Variants in THSD7B observed in about 807,000 individuals in gnomAD.
THSD7B encodes the protein thrombospondin type 1 domain containing 7B.
In THSD7B, 138 loss-of-function variants were observed where a neutral mutation model predicts 213.6. The observed-to-expected ratio is 0.65, with a 90% confidence interval of 0.56 to 0.74. The LOEUF (loss-of-function observed/expected upper bound fraction) is 0.74. Ranked by LOEUF, THSD7B falls within the 30% of genes least tolerant of loss-of-function variation. The pLI, the probability that THSD7B is intolerant of heterozygous loss-of-function variation, is 0.00. For synonymous variants in THSD7B, 742 were observed against 687.0 expected, an observed-to-expected ratio of 1.08 and a Z score of -1.25; for missense variants, 1,931 against 1,991.5, an observed-to-expected ratio of 0.97 and a Z score of 0.58.
At chr2:136,984,269 A>T (rs964145042) in intron 2 of THSD7B, among the ~76,000 whole-genome samples, 1 of 152,188 alleles carries the variant, frequency 6.6e-6, no homozygotes, top group South Asian at 2.1e-4. Context: ...TCCTCTCCAA[A>T]TCTCATGTTG....
At chr2:137,357,665 G>A (rs1384090638) in intron 12 of THSD7B, among the ~76,000 whole-genome samples, 1 of 152,158 alleles carries the variant, frequency 6.6e-6, no homozygotes, top group African/African-American at 2.4e-5. Flanking sequence ...GGAGAAAATG[G>A]ATAGCCTAAC....
At chr2:137,608,528 T>C (rs1459852702) in intron 17 of THSD7B, among the ~76,000 whole-genome samples, 1 of 152,226 alleles carries the variant, frequency 6.6e-6, no homozygotes, top group Admixed American at 6.5e-5. Context: ...AATTTCATTA[T>C]CTGTAAAAAC....
chr2:136,916,031 C>T (rs1684342478), intron 2 of THSD7B, among the ~76,000 whole-genome samples: 1 of 152,168 alleles, frequency 6.6e-6, no homozygotes, highest in Non-Finnish European at 1.5e-5. Flanking sequence ...ACCAGCTTTC[C>T]CTAACGATTG....
chr2:137,164,098 C>T lies in THSD7B; in HGVS notation c.1525+3730C>T, dbSNP rs139512567. ...CAGATGCAGGAGACAAGTTATGGGG[C>T]ATGGGATGTATCTAGTGCCAGTACG... On this transcript the variant is annotated intron_variant, in intron 6 of 27. Transcript: ENST00000409968. 6.8e-4 allele frequency among the ~76,000 whole-genome samples: 104 copies of T among 152,128 alleles called. 3 individuals carry two copies. The Middle Eastern group carries it at 0.054, about 80-fold the overall frequency.
At chr2:137,112,144 G>A (rs1049854237) in intron 4 of THSD7B, among the ~76,000 whole-genome samples, 1 of 152,114 alleles carries the variant, frequency 6.6e-6, no homozygotes, top group Admixed American at 6.5e-5. Context: ...AGATCCTAGC[G>A]ACACTTTCTC....
intron 17 of THSD7B, among the ~76,000 whole-genome samples, chr2:137,599,850 T>C (rs1284141117): frequency 1.3e-5 from 2 of 152,170 alleles, no homozygotes; most frequent in African/African-American, 2.4e-5. Flanking sequence ...AAAAAGCATA[T>C]GGAGTGACTT....
At chr2:136,952,836 AG>A (rs1685062186) in intron 2 of THSD7B, among the ~76,000 whole-genome samples, 1 of 152,178 alleles carries the variant, frequency 6.6e-6, no homozygotes, top group African/African-American at 2.4e-5. Flanking sequence ...ATACTCTGGA[AG>A]AACATTAAGA....
At chr2:137,495,297 C>A (rs1280259855) in intron 15 of THSD7B, among the ~76,000 whole-genome samples, 1 of 152,012 alleles carries the variant, frequency 6.6e-6, no homozygotes, top group African/African-American at 2.4e-5. Flanking sequence ...GGCCCTTTGC[C>A]TTTTCTTCTT....
At chr2:137,138,799 G>T (rs1054657291) in intron 5 of THSD7B, among the ~76,000 whole-genome samples, 4 of 152,124 alleles carry the variant, frequency 2.6e-5, no homozygotes, top group Non-Finnish European at 4.4e-5. Context: ...CAAATTTAAA[G>T]TATGTTTCTA....
chr2:137,642,360 A>G (rs1029933054), intron 20 of THSD7B, 128 bp from the exon 21 acceptor site: 2 of 1,175,886 alleles, frequency 1.7e-6, no homozygotes, highest in Non-Finnish European at 2.4e-6. Context: ...CAGAAAAACT[A>G]AAAGTGAGAT....
intron 12 of THSD7B, among the ~76,000 whole-genome samples, chr2:137,320,926 G>A (rs938919899): frequency 6.6e-6 from 1 of 152,190 alleles, no homozygotes; most frequent in Non-Finnish European, 1.5e-5. Flanking sequence ...CCAGAGCAAT[G>A]CAGCAAATGC....
chr2:137,234,570 T>C (rs1449628698), intron 9 of THSD7B, among the ~76,000 whole-genome samples: 1 of 152,136 alleles, frequency 6.6e-6, no homozygotes, highest in Non-Finnish European at 1.5e-5. Context: ...AAGGGAAGCA[T>C]AGCCTGGAAC....
intron 15 of THSD7B, among the ~76,000 whole-genome samples, chr2:137,453,102 T>C (rs1347120276): frequency 1.3e-5 from 2 of 151,896 alleles, no homozygotes; most frequent in East Asian, 1.9e-4. Context: ...TAGTTTGTTA[T>C]AAAGAGATTT....
intron 1 of THSD7B, among the ~76,000 whole-genome samples, chr2:136,793,971 GT>G (rs59468694): frequency 2.0e-5 from 3 of 150,400 alleles, no homozygotes; most frequent in Admixed American, 6.6e-5. Flanking sequence ...GGTAATTTGT[GT>G]TTTTTTTGTG....
chr2:137,450,098 G>A (rs1194827504), intron 14 of THSD7B, among the ~76,000 whole-genome samples: 7 of 152,100 alleles, frequency 4.6e-5, no homozygotes, highest in Non-Finnish European at 1.0e-4. Flanking sequence ...TCAAATTAGA[G>A]TGGTTCAGTA....
At chr2:137,661,289 A>C (rs749231256) in intron 25 of THSD7B, among the ~76,000 whole-genome samples, 13 of 152,110 alleles carry the variant, frequency 8.5e-5, no homozygotes, top group Non-Finnish European at 1.6e-4. Context: ...AAATGACCAG[A>C]AATTTACAGA....
At chr2:137,656,486 C>A (rs1431822523) in intron 22 of THSD7B, among the ~76,000 whole-genome samples, 1 of 152,100 alleles carries the variant, frequency 6.6e-6, no homozygotes, top group Non-Finnish European at 1.5e-5. Context: ...TTACCATAAT[C>A]TTTATATCTC....
chr2:136,890,304 CTT>C (rs1683795655), intron 2 of THSD7B, among the ~76,000 whole-genome samples: 1 of 10,730 alleles, frequency 9.3e-5, no homozygotes, highest in Non-Finnish European at 2.5e-4. Flanking sequence ...TGTCCTACTC[CTT>C]CTTCTTCTTC....
At chr2:137,300,975 A>G (rs1276896349) in intron 12 of THSD7B, among the ~76,000 whole-genome samples, 3 of 152,140 alleles carry the variant, frequency 2.0e-5, no homozygotes, top group Non-Finnish European at 2.9e-5. Flanking sequence ...GGTAAAGTGT[A>G]TGTGCCTGTG....
Sources: allele counts gnomAD v4.1 joint callset (sites outside exome capture counted in the v4.1 genomes callset), GRCh38; gene constraint gnomAD v4.1.1; transcripts MANE v1.5; gene names NCBI Gene and HGNC (gene_info 2026-07-23, HGNC 2026-07-21).